Variants in HMCN1 observed in about 807,000 individuals in gnomAD.
The protein encoded by HMCN1 is hemicentin 1.
A neutral mutation model predicts 625.9 loss-of-function variants in HMCN1; 321 were observed. The ratio of observed to expected loss-of-function variants is 0.51; its 90% CI spans 0.47 to 0.56. The LOEUF (loss-of-function observed/expected upper bound fraction) is 0.56. HMCN1 is among the 20% of genes least tolerant of loss of function. The pLI, the probability that HMCN1 is intolerant of heterozygous loss-of-function variation, is 0.00. For synonymous variants in HMCN1, 2,425 were observed against 2,417.6 expected (o/e 1.00, Z -0.09); for missense variants, 6,588 against 6,887.3 (o/e 0.96, Z 1.54).
At chr1:186,085,974 A>G (rs1210367034) in intron 57 of HMCN1, among the ~76,000 whole-genome samples, 1 of 152,186 alleles carries the variant, frequency 6.6e-6, no homozygotes, top group East Asian at 1.9e-4. Context: ...TACATTGACA[A>G]AATCGTCTTA....
At chr1:185,753,207 T>C (rs1654929509) in intron 1 of HMCN1, among the ~76,000 whole-genome samples, 1 of 152,044 alleles carries the variant, frequency 6.6e-6, no homozygotes, top group African/African-American at 2.4e-5. Flanking sequence ...CCTCAAAAAC[T>C]CAAAAACAGT....
chr1:185,990,062 G>T (rs919933814), intron 21 of HMCN1, among the ~76,000 whole-genome samples: 1 of 151,944 alleles, frequency 6.6e-6, no homozygotes, highest in African/African-American at 2.4e-5. Context: ...TCTTCATTGT[G>T]TTCTAAAAGG....
At chr1:186,125,484 AT>A in intron 81 of HMCN1, 119 bp from the exon 82 acceptor site, 1 of 753,882 alleles carries the variant, frequency 1.3e-6, no homozygotes, top group Non-Finnish European at 2.3e-6. Context: ...ATAGATTTTC[AT>A]TTTTAGTATT....
intron 1 of HMCN1, among the ~76,000 whole-genome samples, chr1:185,842,314 T>A (rs145652699): frequency 6.6e-6 from 1 of 152,266 alleles, no homozygotes; most frequent in Non-Finnish European, 1.5e-5. Flanking sequence ...TTGATTATAG[T>A]ATTTACAAGG....
chr1:185,955,973 A>G (rs548298738), intron 11 of HMCN1, among the ~76,000 whole-genome samples: 39 of 152,256 alleles, frequency 2.6e-4, no homozygotes, highest in African/African-American at 9.1e-4. Context: ...AATGTGAAGC[A>G]TCTCATAAAC....
chr1:186,179,461 A>T (rs1032386116), intron 104 of HMCN1, among the ~76,000 whole-genome samples: 9 of 151,894 alleles, frequency 5.9e-5, no homozygotes, highest in African/African-American at 1.9e-4. Context: ...AAACATTACC[A>T]TCTGTCACTC....
At chr1:185,976,024 T>C (rs1460076079) in intron 15 of HMCN1, among the ~76,000 whole-genome samples, 5 of 152,114 alleles carry the variant, frequency 3.3e-5, no homozygotes, top group Admixed American at 3.3e-4. Context: ...CTGTAAAAGA[T>C]AAAAATATGG....
At chr1:186,052,469 C>A (rs1657021124) in intron 42 of HMCN1, among the ~76,000 whole-genome samples, 1 of 152,012 alleles carries the variant, frequency 6.6e-6, no homozygotes. Flanking sequence ...CTGAAATATG[C>A]AGTATGTCCT....
Position 186,136,882 on chromosome 1 carries a change from T to A in HMCN1, c.13527T>A (p.Cys4509Ter), listed in dbSNP as rs1187166322. The A allele has an allele frequency of 6.2e-7, 1 of 1,613,934 alleles. No individual in the cohort carries two copies. The highest frequency in any genetic ancestry group is 8.5e-7 in the Non-Finnish European group (1 of 1,179,972). The change falls in exon 87 of 107, where the codon TGT (cysteine) becomes TGA (stop). Residue 4509 changes from cysteine (C) to a stop codon, truncating the protein, a stop_gained. Coordinates refer to ENST00000271588, the MANE Select transcript of HMCN1 (RefSeq NM_031935.3). LOFTEE classifies it high-confidence loss of function. ...AQKEDTSEFE[C>*]VARNLMGSVL... ...AAGAAGATACCTCTGAATTTGAATG[T>A]GTTGCTCGAAACTTAATGGGTTCTG...
chr1:185,941,863 G>A (rs1414362586), intron 11 of HMCN1, among the ~76,000 whole-genome samples: 1 of 152,042 alleles, frequency 6.6e-6, no homozygotes. Flanking sequence ...GAACTTATAA[G>A]GAAAGACTAA....
chr1:185,841,789 A>C (rs754641058), intron 1 of HMCN1, among the ~76,000 whole-genome samples: 6 of 152,156 alleles, frequency 3.9e-5, no homozygotes, highest in Non-Finnish European at 8.8e-5. Flanking sequence ...TCTATTGTCT[A>C]TATAATTATG....
intron 1 of HMCN1, among the ~76,000 whole-genome samples, chr1:185,780,393 G>C (rs1164607916): frequency 2.6e-5 from 4 of 152,198 alleles, no homozygotes; most frequent in Admixed American, 2.0e-4. Flanking sequence ...TGTTGAATAG[G>C]AGAGGTGAGA....
At chr1:186,063,087 T>C (rs1272817646) in intron 48 of HMCN1, among the ~76,000 whole-genome samples, 1 of 128,450 alleles carries the variant, frequency 7.8e-6, no homozygotes, top group Non-Finnish European at 1.6e-5. Context: ...TATATATATA[T>C]ATATATATAT....
chr1:186,189,474 A>G (rs1232198358), intron 106 of HMCN1, 38 bp from the exon 107 acceptor site: 1 of 1,609,724 alleles, frequency 6.2e-7, no homozygotes, highest in Non-Finnish European at 8.5e-7. Flanking sequence ...TCCTACTTCC[A>G]GATAACTATG....
chr1:185,941,181 GA>G (rs1668062422), intron 11 of HMCN1, among the ~76,000 whole-genome samples: 1 of 152,132 alleles, frequency 6.6e-6, no homozygotes, highest in African/African-American at 2.4e-5. Context: ...AAGAGTATGA[GA>G]TGTATTTAAA....
At chr1:186,059,731 C>A (rs1169962146) in intron 46 of HMCN1, among the ~76,000 whole-genome samples, 1 of 151,958 alleles carries the variant, frequency 6.6e-6, no homozygotes, top group Non-Finnish European at 1.5e-5. Context: ...AAGACCCTAT[C>A]ATTGTTATGA....
intron 4 of HMCN1, among the ~76,000 whole-genome samples, chr1:185,885,366 T>C (rs1664580559): frequency 6.6e-6 from 1 of 151,956 alleles, no homozygotes; most frequent in Non-Finnish European, 1.5e-5. Context: ...TGAAAATCAT[T>C]AGGCAATATT....
intron 63 of HMCN1, among the ~76,000 whole-genome samples, chr1:186,089,820 T>C (rs957306703): frequency 6.6e-6 from 1 of 151,960 alleles, no homozygotes; most frequent in Non-Finnish European, 1.5e-5. Context: ...TTTAGTACTC[T>C]AAATTGTGCA....
At chr1:185,972,132 G>A (rs979978844) in intron 15 of HMCN1, among the ~76,000 whole-genome samples, 3 of 152,098 alleles carry the variant, frequency 2.0e-5, no homozygotes, top group Non-Finnish European at 4.4e-5. Flanking sequence ...CCTCCTTCCG[G>A]CACAGATATT....
Sources: allele counts gnomAD v4.1 joint callset (sites outside exome capture counted in the v4.1 genomes callset), GRCh38; gene constraint gnomAD v4.1.1; transcripts MANE v1.5; gene names NCBI Gene and HGNC (gene_info 2026-07-23, HGNC 2026-07-21).